BLTP1: variants seen among roughly 807,000 people sequenced by gnomAD.
The protein encoded by BLTP1 is bridge-like lipid transfer protein family member 1.
the BLTP1 span, chr4:122,194,594 T>A: frequency 4.1e-6 from 4 of 975,538 alleles, no homozygotes; most frequent in Non-Finnish European, 4.9e-6. Context: ...TTTTATTAGG[T>A]TGGCAGAACA....
the BLTP1 span, chr4:122,237,615 A>G: frequency 1.4e-6 from 1 of 736,578 alleles, no homozygotes; most frequent in Non-Finnish European, 1.7e-6. Context: ...ATTTAAAAAG[A>G]AGAAAAAAAT....
the BLTP1 span, chr4:122,269,482 C>T: frequency 9.1e-6 from 9 of 985,226 alleles, no homozygotes; most frequent in Non-Finnish European, 1.1e-5. Flanking sequence ...CGCGCCAGCT[C>T]CGATGCTCCA....
chr4:122,276,667 A>C, the BLTP1 span: 5 of 951,298 alleles, frequency 5.3e-6, no homozygotes, highest in Non-Finnish European at 6.3e-6. Flanking sequence ...AAATGATTCA[A>C]AATTCAGTAA....
chr4:122,257,163 T>C, the BLTP1 span: 8 of 1,255,620 alleles, frequency 6.4e-6, no homozygotes, highest in Admixed American at 4.2e-5. Flanking sequence ...TAAATGAGTA[T>C]TATGAGATTT....
the BLTP1 span, chr4:122,225,047 AT>A: frequency 1.0e-6 from 1 of 955,308 alleles, no homozygotes; most frequent in Non-Finnish European, 1.3e-6. Context: ...ATATGGAGTA[AT>A]TTTCTAAGAA....
At chr4:122,280,947 A>G in the BLTP1 span, among the ~76,000 whole-genome samples, 5,461 of 152,272 alleles carry the variant, frequency 0.036, 344 homozygotes, top group African/African-American at 0.12. Context: ...TTTCCTTACT[A>G]TAGTATCAGT....
the BLTP1 span, chr4:122,208,773 A>G: frequency 1.7e-6 from 1 of 599,970 alleles, no homozygotes; most frequent in African/African-American, 2.0e-5. Context: ...AAATTTGTTT[A>G]TCTCACTCGT....
At chr4:122,283,291 C>A in the BLTP1 span, among the ~76,000 whole-genome samples, 1 of 150,750 alleles carries the variant, frequency 6.6e-6, no homozygotes, top group East Asian at 1.9e-4. Flanking sequence ...TTGTATATAA[C>A]CAATGATCTC....
the BLTP1 span, among the ~76,000 whole-genome samples, chr4:122,194,151 T>G: frequency 6.6e-6 from 1 of 152,212 alleles, no homozygotes; most frequent in Admixed American, 6.5e-5. Flanking sequence ...CGTGAGCCAC[T>G]GCGCCCGGCC....
At chr4:122,206,967 C>T in the BLTP1 span, 9 of 615,684 alleles carry the variant, frequency 1.5e-5, no homozygotes, top group South Asian at 2.0e-4. Flanking sequence ...ACATCCTAAT[C>T]ACCTTTTAAA....
the BLTP1 span, among the ~76,000 whole-genome samples, chr4:122,252,896 G>C: frequency 6.6e-6 from 1 of 152,210 alleles, no homozygotes; most frequent in East Asian, 1.9e-4. Flanking sequence ...AGTTCCACTG[G>C]TGGTAGCCAC....
At chr4:122,236,861 G>A in the BLTP1 span, 1 of 984,612 alleles carries the variant, frequency 1.0e-6, no homozygotes. Context: ...TTCTTGTCCA[G>A]GGAAGCTTGG....
the BLTP1 span, chr4:122,272,110 A>G: frequency 6.4e-7 from 1 of 1,573,064 alleles, no homozygotes; most frequent in South Asian, 1.2e-5. Flanking sequence ...ATGTCCTTCC[A>G]TTTTTCAGTC....
At chr4:122,291,836 G>A in the BLTP1 span, 3 of 979,430 alleles carry the variant, frequency 3.1e-6, no homozygotes, top group African/African-American at 3.5e-5. Flanking sequence ...TGTTTAGTAT[G>A]TTTTGTGAAT....
chr4:122,274,911 G>C, the BLTP1 span, among the ~76,000 whole-genome samples: 17 of 152,014 alleles, frequency 1.1e-4, no homozygotes, highest in African/African-American at 3.4e-4. Flanking sequence ...GCTACCTTGG[G>C]GAATATTTCC....
the BLTP1 span, chr4:122,359,469 G>A: frequency 1.3e-6 from 2 of 1,508,700 alleles, no homozygotes; most frequent in Non-Finnish European, 1.8e-6. Flanking sequence ...CCAGGTCATA[G>A]ATAAAATGAG....
the BLTP1 span, among the ~76,000 whole-genome samples, chr4:122,239,171 G>A: frequency 3.3e-5 from 5 of 152,064 alleles, no homozygotes; most frequent in African/African-American, 4.8e-5. Flanking sequence ...TTAATCAGAG[G>A]CACCTGGTGT....
the BLTP1 span, among the ~76,000 whole-genome samples, chr4:122,326,605 G>C: frequency 6.6e-6 from 1 of 151,520 alleles, no homozygotes; most frequent in Non-Finnish European, 1.5e-5. Context: ...TACACGAATG[G>C]AGTGGGTTCT....
chr4:122,353,557 T>C, the BLTP1 span, among the ~76,000 whole-genome samples: 1 of 152,208 alleles, frequency 6.6e-6, no homozygotes, highest in Non-Finnish European at 1.5e-5. This position sits in a 1 kb window ranked among gnomAD's most constrained non-coding sequence, Gnocchi z 4.3. Flanking sequence ...TGAGCTTTAC[T>C]TTTCTACTTG....
Sources: allele counts gnomAD v4.1 joint callset (sites outside exome capture counted in the v4.1 genomes callset), GRCh38; gene constraint gnomAD v4.1.1; non-coding constraint Gnocchi (gnomAD v3.1); transcripts MANE v1.5; gene names NCBI Gene and HGNC (gene_info 2026-07-23, HGNC 2026-07-21).